The following CCDC192 variants were observed in gnomAD, a reference collection of about 807,000 sequenced individuals.
CCDC192 encodes the protein coiled-coil domain containing 192, also known as coiled-coil domain-containing protein 192.
intron 5 of CCDC192, among the ~76,000 whole-genome samples, chr5:127,826,606 TA>T (rs1161560603): frequency 6.8e-6 from 1 of 147,446 alleles, no homozygotes; most frequent in Non-Finnish European, 1.5e-5. Flanking sequence ...GAAAATCAAA[TA>T]CCACATGTTC....
At chr5:127,790,714 G>T (rs914335770) in intron 3 of CCDC192, among the ~76,000 whole-genome samples, 6 of 152,140 alleles carry the variant, frequency 3.9e-5, no homozygotes, top group Admixed American at 3.9e-4. Flanking sequence ...TAGGCATTCT[G>T]CCTAAATTCA....
chr5:127,899,719 G>A (rs923610045), intron 6 of CCDC192, among the ~76,000 whole-genome samples: 18 of 152,258 alleles, frequency 1.2e-4, no homozygotes, highest in Admixed American at 3.3e-4. Flanking sequence ...AATCTTGCAG[G>A]ACCAGACTCA....
chr5:127,894,606 T>C (rs1261410331), intron 6 of CCDC192, among the ~76,000 whole-genome samples: 1 of 152,230 alleles, frequency 6.6e-6, no homozygotes, highest in African/African-American at 2.4e-5. Flanking sequence ...CTTCTCAGGA[T>C]ATTCCCTTTG....
chr5:127,735,913 C>G (rs1226498953), intron 2 of CCDC192, among the ~76,000 whole-genome samples: 1 of 130,828 alleles, frequency 7.6e-6, no homozygotes, highest in Non-Finnish European at 1.6e-5. Flanking sequence ...AATTGAATAC[C>G]GTTTATTTCT....
At chr5:127,891,343 T>C (rs1458452993) in intron 6 of CCDC192, among the ~76,000 whole-genome samples, 1 of 152,218 alleles carries the variant, frequency 6.6e-6, no homozygotes, top group Admixed American at 6.5e-5. Flanking sequence ...TGTGCACCAC[T>C]GTGCCCAGCC....
At chr5:127,815,900 A>G (rs1749003446) in intron 5 of CCDC192, among the ~76,000 whole-genome samples, 1 of 152,138 alleles carries the variant, frequency 6.6e-6, no homozygotes, top group Non-Finnish European at 1.5e-5. Flanking sequence ...AGAGAGATGT[A>G]CAAGAAAGAG....
At chr5:127,780,517 T>G (rs890767843) in intron 3 of CCDC192, among the ~76,000 whole-genome samples, 2 of 152,190 alleles carry the variant, frequency 1.3e-5, no homozygotes, top group African/African-American at 4.8e-5. Flanking sequence ...TGGCAATTCT[T>G]GCAGGAGTAG....
chr5:127,848,441 C>T (rs1750658458), intron 5 of CCDC192, among the ~76,000 whole-genome samples: 1 of 152,182 alleles, frequency 6.6e-6, no homozygotes, highest in South Asian at 2.1e-4. Flanking sequence ...CCTGACCTTA[C>T]TTCTAGCCTT....
chr5:127,851,038 C>T (rs574364504), intron 5 of CCDC192, among the ~76,000 whole-genome samples: 68 of 152,274 alleles, frequency 4.5e-4, no homozygotes, highest in African/African-American at 1.6e-3. Flanking sequence ...AAGCACCTGT[C>T]CCTGGTGCCA....
chr5:127,929,097 C>G (rs377013269), intron 6 of CCDC192, among the ~76,000 whole-genome samples: 12 of 152,136 alleles, frequency 7.9e-5, no homozygotes, highest in African/African-American at 2.9e-4. Context: ...ATAGAGGGGC[C>G]ACCACTCAGA....
At chr5:127,708,963 A>T (rs890582306) in intron 2 of CCDC192, among the ~76,000 whole-genome samples, 1 of 151,938 alleles carries the variant, frequency 6.6e-6, no homozygotes, top group Non-Finnish European at 1.5e-5. Flanking sequence ...ATATAAAGAA[A>T]AGAGATTCAA....
At chr5:127,747,504 C>T (rs1412214511) in intron 2 of CCDC192, among the ~76,000 whole-genome samples, 1 of 152,112 alleles carries the variant, frequency 6.6e-6, no homozygotes, top group African/African-American at 2.4e-5. Flanking sequence ...TCCAGTCTGT[C>T]ATTGTTGGGC....
chr5:127,886,796 G>A (rs933522464), intron 6 of CCDC192, among the ~76,000 whole-genome samples: 1 of 152,154 alleles, frequency 6.6e-6, no homozygotes, highest in Non-Finnish European at 1.5e-5. Context: ...CTTAACCCCT[G>A]TGTTGTTCAA....
At chr5:127,875,705 G>C (rs1306111085) in intron 6 of CCDC192, 44 bp downstream of exon 6, 12 of 398,202 alleles carry the variant, frequency 3.0e-5, no homozygotes, top group Non-Finnish European at 5.3e-5. Flanking sequence ...CCGTCAGCTG[G>C]GTGATGTATG....
chr5:127,733,207 C>G (rs1389657767), intron 2 of CCDC192, among the ~76,000 whole-genome samples: 1 of 152,114 alleles, frequency 6.6e-6, no homozygotes. Context: ...TCACATAAAG[C>G]CAAGAGTTTC....
chr5:127,776,453 A>G (rs2126922123), intron 3 of CCDC192, among the ~76,000 whole-genome samples: 1 of 152,324 alleles, frequency 6.6e-6, no homozygotes, highest in East Asian at 1.9e-4. Context: ...TTTATAAGGA[A>G]AGCAGAGCAT....
In CCDC192 at chr5:127,797,177, G is replaced by A. The variant is rs766126319; in HGVS notation, c.297G>A (p.Val99=). ...VSRLEEKLEA[V]DHKEASGGPY... is the part of the protein sequence containing the mutation. The stretch of plus-strand genomic sequence containing the variant: ...GGCTGGAGGAAAAACTGGAGGCTGT[G>A]GACCACAAGGAAGCCAGTGGGGGAC... Residue 99 remains valine (V), a synonymous_variant, in exon 4 of 7, where the codon GTG becomes GTA. Transcript: ENST00000514853. 1 of 398,394 alleles carries A rather than the reference G, an allele frequency of 2.5e-6. No homozygotes were observed. The highest frequency in any genetic ancestry group is 4.4e-6 in the Non-Finnish European group (1 of 225,646). The allele number at this position is 398,394 out of a possible 1,614,324, so 24.7% of individuals were successfully genotyped here.
intron 3 of CCDC192, among the ~76,000 whole-genome samples, chr5:127,780,414 G>A (rs1357819476): frequency 6.6e-6 from 1 of 152,132 alleles, no homozygotes; most frequent in African/African-American, 2.4e-5. Context: ...TTCCATAGTG[G>A]TTGTACTAAT....
chr5:127,806,094 C>T (rs191428359), intron 5 of CCDC192, among the ~76,000 whole-genome samples: 10 of 152,312 alleles, frequency 6.6e-5, no homozygotes, highest in South Asian at 2.1e-4. Context: ...TAATCTGTAA[C>T]GCATTGAAGC....
Sources: gnomAD v4.1 joint callset for allele counts (sites outside exome capture counted in the v4.1 genomes callset) on GRCh38, gnomAD v4.1.1 for gene constraint, MANE v1.5 for transcripts, NCBI Gene and HGNC (gene_info 2026-07-23, HGNC 2026-07-21) for gene names.